The following ADRA1B variants were observed in gnomAD, a reference collection of about 807,000 sequenced individuals.
ADRA1B encodes the protein alpha-1B adrenergic receptor.
Under a neutral mutation model 17.9 loss-of-function variants are expected in ADRA1B, and 17 were observed. That is an observed-to-expected ratio of 0.95 (90% CI 0.65 to 1.42). The LOEUF is 1.42. Ranked by LOEUF, ADRA1B falls within the 40% of genes most tolerant of loss-of-function variation. The pLI, the probability that ADRA1B is intolerant of heterozygous loss-of-function variation, is 0.00. For synonymous variants in ADRA1B, 366 were observed against 327.6 expected (o/e 1.12, Z -1.27); for missense variants, 681 against 722.1 (o/e 0.94, Z 0.65).
chr5:159,865,877 T>C (rs771076039), intron 1 of ADRA1B, among the ~76,000 whole-genome samples: 23 of 152,190 alleles, frequency 1.5e-4, no homozygotes, highest in African/African-American at 2.4e-5. Flanking sequence ...TTAATAAAAG[T>C]GGTTTAGCTG....
At chr5:159,981,205 A>G in the ADRA1B span, among the ~76,000 whole-genome samples, 1 of 152,168 alleles carries the variant, frequency 6.6e-6, no homozygotes, top group African/African-American at 2.4e-5. Context: ...GGCACTATTG[A>G]AATTTTGATT....
intron 1 of ADRA1B, among the ~76,000 whole-genome samples, chr5:159,900,802 C>G (rs1015444481): frequency 6.6e-6 from 1 of 152,252 alleles, no homozygotes; most frequent in African/African-American, 2.4e-5. Flanking sequence ...GGACTTGGGA[C>G]AGACAGGCTA....
At chr5:159,912,185 G>C (rs1328074039), upstream of ADRA1B, among the ~76,000 whole-genome samples, 1 of 152,164 alleles carries the variant, frequency 6.6e-6, no homozygotes, top group Non-Finnish European at 1.5e-5. Context: ...TAGCCCTGTA[G>C]AGCTAGGAAC....
intron 1 of ADRA1B, among the ~76,000 whole-genome samples, chr5:159,956,792 G>A (rs1482053848): frequency 2.0e-5 from 3 of 152,104 alleles, no homozygotes; most frequent in South Asian, 2.1e-4. Flanking sequence ...GACAATGTCT[G>A]TTTTCCCACA....
intron 1 of ADRA1B, among the ~76,000 whole-genome samples, chr5:159,940,964 C>T (rs11750092): frequency 0.13 from 19,859 of 152,152 alleles, 1,496 homozygotes; most frequent in Non-Finnish European, 0.16. Flanking sequence ...TCTGATTTAA[C>T]GCATCACAAT....
intron 1 of ADRA1B, among the ~76,000 whole-genome samples, chr5:159,926,892 T>C (rs549163748): frequency 1.3e-5 from 2 of 152,060 alleles, no homozygotes; most frequent in South Asian, 2.1e-4. Context: ...GTCTCAAAAA[T>C]ATTAAATTAA....
At chr5:159,927,381 GCACACACA>G (rs59807316) in intron 1 of ADRA1B, among the ~76,000 whole-genome samples, 3 of 140,736 alleles carry the variant, frequency 2.1e-5, no homozygotes, top group African/African-American at 5.4e-5. Flanking sequence ...ATTAAAACAT[GCACACACA>G]CACACACACA....
At chr5:159,930,954 C>G (rs913362776) in intron 1 of ADRA1B, among the ~76,000 whole-genome samples, 1 of 147,908 alleles carries the variant, frequency 6.8e-6, no homozygotes, top group Non-Finnish European at 1.5e-5. Context: ...GATTGTTGTT[C>G]TTAGTCATTT....
At chr5:159,930,735 C>T (rs1052009648) in intron 1 of ADRA1B, among the ~76,000 whole-genome samples, 6 of 151,948 alleles carry the variant, frequency 3.9e-5, no homozygotes, top group African/African-American at 7.2e-5. Context: ...TCAAGGGATA[C>T]GATGGAGTGA....
the ADRA1B span, among the ~76,000 whole-genome samples, chr5:159,982,060 C>G: frequency 6.6e-6 from 1 of 152,144 alleles, no homozygotes; most frequent in Admixed American, 6.5e-5. Context: ...CCCTTGGAAC[C>G]CATCCATCAT....
chr5:159,911,727 A>T (rs1486224326), upstream of ADRA1B, among the ~76,000 whole-genome samples: 2 of 152,154 alleles, frequency 1.3e-5, no homozygotes, highest in African/African-American at 4.8e-5. Flanking sequence ...TGGAGGTAGA[A>T]GAGAAGGCTT....
At chr5:159,980,534 G>A in the ADRA1B span, among the ~76,000 whole-genome samples, 1 of 152,148 alleles carries the variant, frequency 6.6e-6, no homozygotes, top group East Asian at 1.9e-4. Context: ...TTGGGCTTGA[G>A]GTCAGAAAGA....
chr5:159,929,489 C>T (rs1446361564), intron 1 of ADRA1B, among the ~76,000 whole-genome samples: 1 of 150,616 alleles, frequency 6.6e-6, no homozygotes, highest in African/African-American at 2.4e-5. Context: ...TTTTTTCTCA[C>T]CCAAGTTTAT....
chr5:159,910,318 A>G (rs762837519), intron 1 of ADRA1B, among the ~76,000 whole-genome samples: 4 of 152,198 alleles, frequency 2.6e-5, no homozygotes, highest in African/African-American at 9.7e-5. Context: ...AGCTTGCCCA[A>G]GGTCACACAT....
intron 1 of ADRA1B, among the ~76,000 whole-genome samples, chr5:159,885,437 A>G (rs867881874): frequency 3.3e-5 from 5 of 152,302 alleles, no homozygotes; most frequent in Middle Eastern, 3.4e-3. Flanking sequence ...AATTCTGGCC[A>G]ATGAGACATA....
intron 1 of ADRA1B, among the ~76,000 whole-genome samples, chr5:159,931,188 G>A (rs1440416744): frequency 2.7e-5 from 4 of 148,428 alleles, no homozygotes; most frequent in East Asian, 4.0e-4. Flanking sequence ...CCAGGAGTTC[G>A]AGACCAATCT....
At chr5:159,875,611 C>T (rs1753793511) in intron 1 of ADRA1B, among the ~76,000 whole-genome samples, 1 of 152,196 alleles carries the variant, frequency 6.6e-6, no homozygotes, top group Non-Finnish European at 1.5e-5. Context: ...TATCCAGCCA[C>T]AGCTGGATAG....
exon 1 of ADRA1B, chr5:159,865,161 A>T (rs1472278053): frequency 1.3e-5 from 2 of 152,152 alleles, no homozygotes; most frequent in Non-Finnish European, 2.9e-5. Flanking sequence ...AATCTGAGGG[A>T]TCCTCACAGA....
chr5:159,915,656 TC>T (rs1754283357), upstream of ADRA1B, among the ~76,000 whole-genome samples: 1 of 151,936 alleles, frequency 6.6e-6, no homozygotes, highest in Non-Finnish European at 1.5e-5. Context: ...CTCCCTCAAT[TC>T]CCTTCATGTT....
Sources: gnomAD v4.1 joint callset for allele counts (sites outside exome capture counted in the v4.1 genomes callset) on GRCh38, gnomAD v4.1.1 for gene constraint, MANE v1.5 for transcripts, NCBI Gene and HGNC (gene_info 2026-07-23, HGNC 2026-07-21) for gene names.